DRC8: variants seen among roughly 807,000 people sequenced by gnomAD.
DRC8 encodes dynein regulatory complex protein 8.
the DRC8 span, chr1:245,044,081 A>G: frequency 5.9e-5 from 9 of 152,246 alleles, no homozygotes; most frequent in Non-Finnish European, 1.2e-4. Context: ...ATTAACAATG[A>G]CAAAAAGAAA....
At chr1:245,025,174 G>A in the DRC8 span, among the ~76,000 whole-genome samples, 1 of 152,080 alleles carries the variant, frequency 6.6e-6, no homozygotes, top group Non-Finnish European at 1.5e-5. Context: ...AGCTAATTTG[G>A]TGGGGACAAA....
the DRC8 span, among the ~76,000 whole-genome samples, chr1:245,086,391 G>GTACA: frequency 1.3e-3 from 191 of 152,304 alleles, 1 homozygote; most frequent in African/African-American, 4.4e-3. Context: ...TCTACAAATT[G>GTACA]TTTTTAAGTA....
the DRC8 span, among the ~76,000 whole-genome samples, chr1:245,071,396 T>C: frequency 6.6e-6 from 1 of 152,146 alleles, no homozygotes; most frequent in East Asian, 1.9e-4. Context: ...GCAAAGGCAA[T>C]TCTGTTGAGG....
chr1:244,973,157 A>G, the DRC8 span, among the ~76,000 whole-genome samples: 1 of 152,230 alleles, frequency 6.6e-6, no homozygotes, highest in African/African-American at 2.4e-5. Context: ...ATTAATTTAA[A>G]TAAGGGTATA....
the DRC8 span, among the ~76,000 whole-genome samples, chr1:245,064,766 G>A: frequency 8.8e-4 from 134 of 152,204 alleles, 2 homozygotes; most frequent in African/African-American, 3.1e-3. Context: ...TCATGTTCCT[G>A]GTAATGCTAT....
the DRC8 span, among the ~76,000 whole-genome samples, chr1:245,119,409 C>A: frequency 6.6e-6 from 1 of 151,282 alleles, no homozygotes; most frequent in African/African-American, 2.4e-5. Context: ...CACAGTGGCT[C>A]ATGCCTGTAA....
the DRC8 span, among the ~76,000 whole-genome samples, chr1:245,063,534 G>A: frequency 6.6e-6 from 1 of 152,124 alleles, no homozygotes; most frequent in African/African-American, 2.4e-5. Flanking sequence ...ATTATTGCCT[G>A]GAGCAGCCCA....
At chr1:245,087,798 G>A in the DRC8 span, 1 of 914,522 alleles carries the variant, frequency 1.1e-6, no homozygotes, top group Non-Finnish European at 1.3e-6. Context: ...TCATCAATCT[G>A]AGTGTGGAAG....
the DRC8 span, among the ~76,000 whole-genome samples, chr1:245,111,938 G>A: frequency 2.0e-5 from 3 of 152,214 alleles, no homozygotes; most frequent in African/African-American, 7.2e-5. Flanking sequence ...GCAGGCTGAG[G>A]CCAGAGGATT....
At chr1:245,035,362 G>A in the DRC8 span, among the ~76,000 whole-genome samples, 1 of 151,358 alleles carries the variant, frequency 6.6e-6, no homozygotes, top group Non-Finnish European at 1.5e-5. Flanking sequence ...GCATGATGAT[G>A]TAAGGCTAGA....
the DRC8 span, among the ~76,000 whole-genome samples, chr1:244,993,737 G>C: frequency 6.6e-6 from 1 of 152,166 alleles, no homozygotes; most frequent in Non-Finnish European, 1.5e-5. Context: ...TCATAACATG[G>C]TAGAAGGCAT....
At chr1:245,041,359 A>G in the DRC8 span, among the ~76,000 whole-genome samples, 1 of 152,330 alleles carries the variant, frequency 6.6e-6, no homozygotes, top group Admixed American at 6.5e-5. Context: ...GAAGTTGACC[A>G]GAAAGCCATT....
chr1:245,068,441 T>C, the DRC8 span, among the ~76,000 whole-genome samples: 1 of 152,114 alleles, frequency 6.6e-6, no homozygotes, highest in South Asian at 2.1e-4. Flanking sequence ...TTTTTGTTGC[T>C]ATCGTATTCT....
chr1:245,078,423 A>G, the DRC8 span, among the ~76,000 whole-genome samples: 5 of 152,060 alleles, frequency 3.3e-5, no homozygotes, highest in Admixed American at 3.3e-4. Flanking sequence ...AGATATGGAA[A>G]CAACGTGTCT....
the DRC8 span, among the ~76,000 whole-genome samples, chr1:245,044,392 G>T: frequency 6.6e-6 from 1 of 152,048 alleles, no homozygotes. Flanking sequence ...GAGTTTATAT[G>T]TTTTTTCTCT....
chr1:245,100,182 C>T, the DRC8 span, among the ~76,000 whole-genome samples: 3 of 152,034 alleles, frequency 2.0e-5, no homozygotes, highest in Non-Finnish European at 4.4e-5. Context: ...GTCAGGAGTT[C>T]GAGACCAGCC....
At chr1:245,101,973 G>A in the DRC8 span, among the ~76,000 whole-genome samples, 1 of 152,108 alleles carries the variant, frequency 6.6e-6, no homozygotes. Context: ...TTTGTGACAC[G>A]AGATCAGGGC....
chr1:245,117,483 G>A, the DRC8 span, among the ~76,000 whole-genome samples: 1 of 151,918 alleles, frequency 6.6e-6, no homozygotes, highest in Non-Finnish European at 1.5e-5. Context: ...GGACTGCAGT[G>A]GTGCAATCTT....
chr1:244,995,484 G>C, the DRC8 span, among the ~76,000 whole-genome samples: 1 of 151,984 alleles, frequency 6.6e-6, no homozygotes, highest in Non-Finnish European at 1.5e-5. Context: ...TCACCTTCCC[G>C]AGTAGCAAGA....
Sources: allele counts gnomAD v4.1 joint callset (sites outside exome capture counted in the v4.1 genomes callset), GRCh38; gene constraint gnomAD v4.1.1; transcripts MANE v1.5; gene names NCBI Gene and HGNC (gene_info 2026-07-23, HGNC 2026-07-21).